ERICH6: variants seen among roughly 807,000 people sequenced by gnomAD.
The protein encoded by ERICH6 is glutamate-rich protein 6.
Under a neutral mutation model 71.0 loss-of-function variants are expected in ERICH6, and 71 were observed. The ratio of observed to expected loss-of-function variants is 1.00; its 90% CI spans 0.83 to 1.22. The LOEUF (loss-of-function observed/expected upper bound fraction) is 1.22. ERICH6 is among the 50% of genes most tolerant of loss of function. The pLI, the probability that ERICH6 is intolerant of heterozygous loss-of-function variation, is 0.00. For missense variants in ERICH6, 808 were observed against 797.2 expected (o/e 1.01, Z -0.16); for synonymous variants, 262 against 278.4 (o/e 0.94, Z 0.59).
At chr3:150,694,182 C>T (rs1031350109) in intron 3 of ERICH6, among the ~76,000 whole-genome samples, 2 of 152,036 alleles carry the variant, frequency 1.3e-5, no homozygotes, top group African/African-American at 4.8e-5. Context: ...CATGAAAGAT[C>T]AGAAACAACC....
intron 13 of ERICH6, among the ~76,000 whole-genome samples, chr3:150,664,371 G>A (rs1727326516): frequency 1.3e-5 from 2 of 152,120 alleles, no homozygotes; most frequent in African/African-American, 4.8e-5. Flanking sequence ...AAAATAGGCT[G>A]GGCACGGTGG....
chr3:150,680,702 A>G (rs1028253678), intron 8 of ERICH6, 71 bp downstream of exon 8: 4 of 1,555,930 alleles, frequency 2.6e-6, no homozygotes, highest in Non-Finnish European at 3.5e-6. Context: ...TGAAAAAATG[A>G]GGTTCATTTA....
intron 13 of ERICH6, among the ~76,000 whole-genome samples, chr3:150,664,536 A>C (rs1442146694): frequency 2.0e-5 from 3 of 151,932 alleles, no homozygotes; most frequent in Non-Finnish European, 2.9e-5. Context: ...AGCCCCAGCT[A>C]CTCAGGAGGC....
Position 150,689,916 on chromosome 3 carries a change from T to C in ERICH6, c.554-3562A>G, listed in dbSNP as rs1712355991. On this transcript the variant is annotated intron_variant, in intron 3 of 13. Transcript: ENST00000295910. ...AGCTTTTAAACTGCTTTCCTCGGTA[T>C]TGTGTTACCTGATTTATTAACTGAT... 2.0e-5 allele frequency among the ~76,000 whole-genome samples: 3 copies of C among 152,244 alleles called. No homozygotes were observed. In the East Asian group the frequency reaches 5.8e-4, roughly 29 times the overall value.
At position 150,666,971 on chromosome 3, in the gene ERICH6, C is replaced by A. The variant is rs1207929799; in HGVS notation, c.1544G>T (p.Gly515Val). The change falls in exon 13 of 14, where the codon GGC (glycine) becomes GTC (valine). Residue 515 changes from glycine to valine, a missense_variant. Coordinates refer to ENST00000295910, the MANE Select transcript of ERICH6 (RefSeq NM_152394.5). ...CCAATTCCAAGCCCTTATTCTGTTG[C>A]CGGCTTGATCTGAATATTGACCTCC... ...ILGGQYSDQAGNRIRAWNWSN... is the reference protein window; with the variant it reads ...ILGGQYSDQAVNRIRAWNWSN... The A allele has an allele frequency of 6.2e-7, 1 of 1,614,086 alleles. No homozygotes were observed.
At position 150,686,091 on chromosome 3, in the gene ERICH6, T is replaced by G; in HGVS notation, c.611-70A>C. The G allele has an allele frequency of 3.0e-6, 4 of 1,339,078 alleles. No homozygotes were observed. The South Asian group carries it at 4.7e-5, about 16-fold the overall frequency. The allele number at this position is 1,339,078 out of a possible 1,614,324, so 82.9% of individuals were successfully genotyped here. On this transcript the variant is annotated intron_variant, in intron 4 of 13. Coordinates refer to ENST00000295910, the MANE Select transcript of ERICH6 (RefSeq NM_152394.5). Reference sequence around the variant, plus strand: ...TGCAGTGCATTCCACTTCTGTAATTTGGAGATTCACACCCACCATCATCCT... The same window carrying G: ...TGCAGTGCATTCCACTTCTGTAATTGGGAGATTCACACCCACCATCATCCT...
intron 13 of ERICH6, among the ~76,000 whole-genome samples, chr3:150,662,548 A>G (rs368087447): frequency 1.3e-5 from 2 of 152,242 alleles, no homozygotes; most frequent in Non-Finnish European, 2.9e-5. Context: ...GAAAATATCA[A>G]TATATTCTAA....
intron 3 of ERICH6, among the ~76,000 whole-genome samples, chr3:150,690,193 A>G (rs1394283729): frequency 3.9e-5 from 6 of 152,164 alleles, no homozygotes. Context: ...CAAAACTATG[A>G]AAGATTTTTA....
chr3:150,684,695 C>T (rs940647247), intron 6 of ERICH6, among the ~76,000 whole-genome samples: 3 of 152,210 alleles, frequency 2.0e-5, no homozygotes, highest in Non-Finnish European at 4.4e-5. Flanking sequence ...TAAACTTTCT[C>T]TTGCCCTTCA....
intron 3 of ERICH6, among the ~76,000 whole-genome samples, chr3:150,689,034 A>G (rs1163689051): frequency 6.7e-6 from 1 of 150,104 alleles, no homozygotes; most frequent in Non-Finnish European, 1.5e-5. Context: ...GGTACCCCTG[A>G]TATTTGACAA....
chr3:150,680,390 C>T (rs1711856624), intron 9 of ERICH6, 78 bp downstream of exon 9: 2 of 1,408,210 alleles, frequency 1.4e-6, no homozygotes, highest in Admixed American at 3.4e-5. Flanking sequence ...TAAATACACC[C>T]ATTTCATCTT....
Position 150,701,463 on chromosome 3 carries a change from A to AT in ERICH6, c.461+657dup, listed in dbSNP as rs1277541544. 5.9e-5 allele frequency among the ~76,000 whole-genome samples: 9 copies of AT among 152,266 alleles called. No individual in the cohort carries two copies. The South Asian group carries it at 1.0e-3, about 18-fold the overall frequency. On this transcript the variant is annotated intron_variant, in intron 2 of 13. Coordinates refer to ENST00000295910, the MANE Select transcript of ERICH6 (RefSeq NM_152394.5). ...CATTTTTATACCTTTGTGTAGTTTG[A>AT]TTTTTTTAACCACATGTATACATTA...
chr3:150,696,755 G>A (rs1387334789), intron 3 of ERICH6, among the ~76,000 whole-genome samples: 2 of 152,070 alleles, frequency 1.3e-5, no homozygotes, highest in East Asian at 1.9e-4. Flanking sequence ...CTAACAGACT[G>A]TCAAAAATTT....
chr3:150,678,345 T>G, intron 10 of ERICH6, 64 bp downstream of exon 10: 1 of 1,472,920 alleles, frequency 6.8e-7, no homozygotes, highest in Non-Finnish European at 9.1e-7. Flanking sequence ...ATGAAAGACT[T>G]TATAATTTTA....
chr3:150,672,397 A>G (rs1559911653), intron 11 of ERICH6, among the ~76,000 whole-genome samples: 1 of 151,714 alleles, frequency 6.6e-6, no homozygotes, highest in Non-Finnish European at 1.5e-5. Flanking sequence ...CAAGAGTTCA[A>G]GACCAGCCTT....
intron 3 of ERICH6, among the ~76,000 whole-genome samples, chr3:150,693,742 A>G (rs1410100706): frequency 1.3e-5 from 2 of 152,254 alleles, no homozygotes; most frequent in African/African-American, 4.8e-5. Flanking sequence ...ATTATGTTTC[A>G]AAACCTATAG....
intron 13 of ERICH6, among the ~76,000 whole-genome samples, chr3:150,662,192 G>A (rs570453551): frequency 6.6e-6 from 1 of 152,290 alleles, no homozygotes; most frequent in East Asian, 1.9e-4. Context: ...GCGCGTAATG[G>A]GAACAACTGA....
intron 8 of ERICH6, 66 bp downstream of exon 8, chr3:150,680,707 C>A (rs1711875128): frequency 5.1e-6 from 8 of 1,560,340 alleles, no homozygotes; most frequent in Non-Finnish European, 6.1e-6. Flanking sequence ...AAATGAGGTT[C>A]ATTTACAAAA....
chr3:150,697,422 C>A (rs2108077489), intron 3 of ERICH6, among the ~76,000 whole-genome samples: 1 of 152,256 alleles, frequency 6.6e-6, no homozygotes, highest in East Asian at 1.9e-4. Context: ...GATTCCATTT[C>A]TATTCTACAC....
Sources: allele counts gnomAD v4.1 joint callset (sites outside exome capture counted in the v4.1 genomes callset), GRCh38; gene constraint gnomAD v4.1.1; transcripts MANE v1.5; gene names NCBI Gene and HGNC (gene_info 2026-07-23, HGNC 2026-07-21).